Variants in EPS15 observed in about 807,000 individuals in gnomAD.
EPS15 encodes the protein epidermal growth factor receptor pathway substrate 15, also known as epidermal growth factor receptor substrate 15.
In EPS15, 72 loss-of-function variants were observed where a neutral mutation model predicts 113.8. The ratio of observed to expected loss-of-function variants is 0.63; its 90% CI spans 0.52 to 0.77. EPS15 has a LOEUF of 0.77. Among genes scored for constraint, EPS15 ranks in the 30% least tolerant of loss-of-function variants. The pLI, the probability that EPS15 is intolerant of heterozygous loss-of-function variation, is 0.00. For synonymous variants in EPS15, 344 were observed against 363.4 expected, an observed-to-expected ratio of 0.95 and a Z score of 0.61; for missense variants, 1,048 against 1,045.8, an observed-to-expected ratio of 1.00 and a Z score of -0.03.
At chr1:51,490,204 C>T (rs1377288771) in intron 1 of EPS15, 6 of 394,018 alleles carry the variant, frequency 1.5e-5, no homozygotes, top group Admixed American at 6.0e-5. Flanking sequence ...TTTGAGAGTA[C>T]AAGATTCTCT....
At chr1:51,426,137 G>A (rs1301339693) in intron 12 of EPS15, among the ~76,000 whole-genome samples, 1 of 151,880 alleles carries the variant, frequency 6.6e-6, no homozygotes, top group Non-Finnish European at 1.5e-5. Context: ...CACTGTAGTG[G>A]TGATGTAAGC....
chr1:51,483,397 A>AAG (rs981223243), intron 1 of EPS15, among the ~76,000 whole-genome samples: 4 of 93,646 alleles, frequency 4.3e-5, no homozygotes, highest in South Asian at 9.0e-4. Flanking sequence ...TCAAGACTGC[A>AAG]AGTGTGTGTG....
chr1:51,479,951 A>G (rs757212723), intron 2 of EPS15, among the ~76,000 whole-genome samples: 7 of 152,236 alleles, frequency 4.6e-5, no homozygotes, highest in African/African-American at 7.2e-5. Flanking sequence ...AAGATGAGAT[A>G]AATTCACTCA....
intron 8 of EPS15, among the ~76,000 whole-genome samples, chr1:51,456,021 A>G (rs1653971256): frequency 6.6e-6 from 1 of 152,152 alleles, no homozygotes; most frequent in African/African-American, 2.4e-5. Flanking sequence ...TTCTGAGAAT[A>G]TGAACAAGCA....
chr1:51,473,611 CA>C (rs1463597498), intron 2 of EPS15, among the ~76,000 whole-genome samples: 1 of 151,570 alleles, frequency 6.6e-6, no homozygotes, highest in Non-Finnish European at 1.5e-5. Flanking sequence ...ACAACAACAA[CA>C]AAAACAGGAA....
chr1:51,437,284 A>G (rs2148470306), intron 12 of EPS15, among the ~76,000 whole-genome samples: 1 of 152,228 alleles, frequency 6.6e-6, no homozygotes, highest in South Asian at 2.1e-4. Context: ...ATTGGTTTGC[A>G]ATGCTCAAAA....
intron 4 of EPS15, among the ~76,000 whole-genome samples, chr1:51,471,106 CTT>C (rs1655204909): frequency 6.6e-6 from 1 of 152,184 alleles, no homozygotes; most frequent in South Asian, 2.1e-4. Context: ...GGAAGCCTAA[CTT>C]TGAGTAGTGG....
At chr1:51,376,735 T>C (rs1325989284) in intron 21 of EPS15, among the ~76,000 whole-genome samples, 1 of 152,182 alleles carries the variant, frequency 6.6e-6, no homozygotes, top group African/African-American at 2.4e-5. Context: ...AGAGCTCTGA[T>C]GAAGATGTAT....
At chr1:51,518,722 A>G (rs1222687244) in intron 1 of EPS15, among the ~76,000 whole-genome samples, 2 of 152,178 alleles carry the variant, frequency 1.3e-5, no homozygotes, top group East Asian at 3.9e-4. Flanking sequence ...CGGCTCTGGA[A>G]GGCAACTCCT....
At chr1:51,359,251 C>G (rs1371344202) in intron 24 of EPS15, among the ~76,000 whole-genome samples, 1 of 151,482 alleles carries the variant, frequency 6.6e-6, no homozygotes, top group Non-Finnish European at 1.5e-5. Context: ...CGAGACCATC[C>G]CGGCCAACAT....
At position 51,447,051 on chromosome 1, in the gene EPS15, C is replaced by T; in HGVS notation, c.706G>A (p.Asp236Asn). 6.2e-7 allele frequency: 1 copy of T among 1,613,604 alleles called. No individual in the cohort carries two copies. Among genetic ancestry groups the T allele is most frequent in the Non-Finnish European group, 8.5e-7 (1 of 1,179,712 alleles). Residue 236 changes from aspartate (D) to asparagine (N), a missense_variant, in exon 10 of 25, where the codon GAT becomes AAT. Asp to Asn is a conservative substitution (Grantham distance 23, BLOSUM62 1). Coordinates refer to ENST00000371733, the MANE Select transcript of EPS15 (RefSeq NM_001981.3). Reference sequence around the variant, plus strand: ...GACACAAATCCGTCCATATCTTTATCAGTTTTCAGGAAGATTTCATCATAT... The same window carrying T: ...GACACAAATCCGTCCATATCTTTATTAGTTTTCAGGAAGATTTCATCATAT... ...AKYDEIFLKT[D>N]KDMDGFVSGL...
chr1:51,364,103 G>T, intron 22 of EPS15, 75 bp from the exon 23 acceptor site: 3 of 1,146,320 alleles, frequency 2.6e-6, no homozygotes, highest in South Asian at 3.6e-5. Flanking sequence ...TCAGAATAAT[G>T]ATTTCAGTAT....
At chr1:51,505,633 G>C (rs1476033802) in intron 1 of EPS15, among the ~76,000 whole-genome samples, 1 of 152,026 alleles carries the variant, frequency 6.6e-6, no homozygotes, top group Non-Finnish European at 1.5e-5. Context: ...CCACTGAATT[G>C]TACACTTTAT....
chr1:51,355,305 C>A lies in EPS15; in HGVS notation c.*1395G>T, dbSNP rs1646195638. 2 of 217,450 alleles carry A rather than the reference C, an allele frequency of 9.2e-6. No individual in the cohort carries two copies. The highest frequency in any genetic ancestry group is 2.3e-5 in the African/African-American group (1 of 44,400). The allele number at this position is 217,450 out of a possible 1,614,324, so 13.5% of individuals were successfully genotyped here. The stretch of plus-strand genomic sequence containing the variant: ...TTACTCAGATTAACACAGATCAATA[C>A]CACCTTGACTTGTTGACCCAGAGAA... On this transcript the variant is annotated 3_prime_UTR_variant, in exon 25 of 25. Transcript: ENST00000371733.
At chr1:51,367,052 AAC>A (rs1646522489) in intron 21 of EPS15, among the ~76,000 whole-genome samples, 1 of 152,156 alleles carries the variant, frequency 6.6e-6, no homozygotes, top group South Asian at 2.1e-4. Context: ...ATAATAATAA[AAC>A]AGTCTTATAT....
chr1:51,394,158 G>A (rs1647669990), intron 21 of EPS15: 2 of 365,554 alleles, frequency 5.5e-6, no homozygotes, highest in African/African-American at 4.2e-5. Context: ...ACTGGGTAGA[G>A]TTCATATTCT....
At chr1:51,359,443 TAAAAAAAAAA>T (rs148380501) in intron 24 of EPS15, among the ~76,000 whole-genome samples, 2 of 104,058 alleles carry the variant, frequency 1.9e-5, no homozygotes, top group African/African-American at 7.4e-5. Flanking sequence ...ACTCTGTCTT[TAAAAAAAAAA>T]AAAAAAAAAA....
intron 4 of EPS15, among the ~76,000 whole-genome samples, chr1:51,470,402 T>C (rs1006325281): frequency 6.6e-6 from 1 of 152,058 alleles, no homozygotes; most frequent in Non-Finnish European, 1.5e-5. Flanking sequence ...CCCAGCACTT[T>C]GGGAGGCCGA....
At chr1:51,378,473 T>A (rs1319834596) in intron 21 of EPS15, among the ~76,000 whole-genome samples, 2 of 152,058 alleles carry the variant, frequency 1.3e-5, no homozygotes, top group African/African-American at 4.8e-5. Context: ...CCTGGGTTCC[T>A]AAAACAAAAC....
Sources: allele counts gnomAD v4.1 joint callset (sites outside exome capture counted in the v4.1 genomes callset), GRCh38; gene constraint gnomAD v4.1.1; transcripts MANE v1.5; gene names NCBI Gene and HGNC (gene_info 2026-07-23, HGNC 2026-07-21).